Variants in CSGALNACT1 observed in about 807,000 individuals in gnomAD.
CSGALNACT1 encodes the protein beta4GalNAcT-1.
Under a neutral mutation model 51.0 loss-of-function variants are expected in CSGALNACT1, and 52 were observed. That is an observed-to-expected ratio of 1.02 (90% CI 0.82 to 1.29). The LOEUF (loss-of-function observed/expected upper bound fraction) is 1.29. Ranked by LOEUF, CSGALNACT1 falls within the 50% of genes most tolerant of loss-of-function variation. The probability of loss-of-function intolerance (pLI) is 0.00; values close to 1 mark genes in which losing one functional copy is unlikely to be tolerated. For synonymous variants in CSGALNACT1, 341 were observed against 254.4 expected, an observed-to-expected ratio of 1.34 and a Z score of -3.24; for missense variants, 935 against 679.2, an observed-to-expected ratio of 1.38 and a Z score of -4.19.
chr8:19,606,758 A>G (rs1440344964), upstream of CSGALNACT1, among the ~76,000 whole-genome samples: 5 of 152,212 alleles, frequency 3.3e-5, no homozygotes, highest in African/African-American at 7.2e-5. Flanking sequence ...ATAATCTCAG[A>G]TAACAAAATT....
intron 1 of CSGALNACT1, among the ~76,000 whole-genome samples, chr8:19,749,813 T>C (rs1292316388): frequency 1.3e-5 from 2 of 152,186 alleles, no homozygotes; most frequent in Non-Finnish European, 2.9e-5. Flanking sequence ...CAGTAGTTAT[T>C]GCCAGACAAC....
At chr8:19,408,566 T>A in intron 9 of CSGALNACT1, 47 bp downstream of exon 8, 1 of 1,414,536 alleles carries the variant, frequency 7.1e-7, no homozygotes, top group South Asian at 1.1e-5. Context: ...AAGGCCTACA[T>A]GGGCCCGTGG....
chr8:19,485,046 C>G (rs11204046), intron 4 of CSGALNACT1, among the ~76,000 whole-genome samples: 119,154 of 152,134 alleles, frequency 0.78, 47,057 homozygotes, highest in East Asian at 0.86. Context: ...ATAAACTTCT[C>G]TTGTCTCAGG....
chr8:19,579,431 A>G (rs1389606793), intron 3 of CSGALNACT1, among the ~76,000 whole-genome samples: 2 of 152,264 alleles, frequency 1.3e-5, no homozygotes, highest in Non-Finnish European at 2.9e-5. Context: ...AAAGGGGCAC[A>G]TTCTCTAAAA....
chr8:19,571,714 G>GA (rs1358689880), intron 3 of CSGALNACT1, among the ~76,000 whole-genome samples: 1 of 152,204 alleles, frequency 6.6e-6, no homozygotes, highest in East Asian at 1.9e-4. Flanking sequence ...AAAGCCCACT[G>GA]AAAAATGGCC....
chr8:19,636,802 T>C (rs2056126034), intron 1 of CSGALNACT1, among the ~76,000 whole-genome samples: 2 of 152,192 alleles, frequency 1.3e-5, no homozygotes, highest in Admixed American at 1.3e-4. Context: ...TAATACCATT[T>C]CAATGTGGAT....
chr8:19,520,441 C>A (rs1201489532), intron 3 of CSGALNACT1, among the ~76,000 whole-genome samples: 3 of 152,346 alleles, frequency 2.0e-5, no homozygotes, highest in East Asian at 3.9e-4. Flanking sequence ...GCCTATGAGT[C>A]CCTCTCCTGG....
chr8:19,434,455 T>A (rs1014901857), intron 6 of CSGALNACT1, among the ~76,000 whole-genome samples: 2 of 152,182 alleles, frequency 1.3e-5, no homozygotes, highest in African/African-American at 4.8e-5. Context: ...TCAGACATCA[T>A]GACAACTTCA....
exon 10 of CSGALNACT1, chr8:19,405,227 C>G (rs1455611650): frequency 4.4e-6 from 2 of 451,860 alleles, no homozygotes; most frequent in Non-Finnish European, 8.8e-6. Context: ...TTTGGTTAAT[C>G]TTGGGGAAAA....
intron 2 of CSGALNACT1, among the ~76,000 whole-genome samples, chr8:19,596,684 A>AAATGATTT (rs1383151732): frequency 6.6e-6 from 1 of 152,232 alleles, no homozygotes; most frequent in Admixed American, 6.5e-5. Flanking sequence ...ATTTTGGAAT[A>AAATGATTT]AAAAGTGATT....
chr8:19,423,551 G>C (rs1407988384), intron 6 of CSGALNACT1, among the ~76,000 whole-genome samples: 2 of 152,202 alleles, frequency 1.3e-5, no homozygotes, highest in Non-Finnish European at 2.9e-5. Flanking sequence ...TGCAACAGAG[G>C]ATTGGGTACA....
chr8:19,554,532 C>T (rs1357022910), intron 3 of CSGALNACT1, among the ~76,000 whole-genome samples: 1 of 45,066 alleles, frequency 2.2e-5, no homozygotes, highest in African/African-American at 2.1e-4. Flanking sequence ...TGCGATGCAA[C>T]CATATTGAGC....
At chr8:19,514,972 G>T (rs538555902) in intron 3 of CSGALNACT1, among the ~76,000 whole-genome samples, 14 of 152,284 alleles carry the variant, frequency 9.2e-5, no homozygotes, top group African/African-American at 3.4e-4. Context: ...GGAGCCCACA[G>T]ATACCTAGCT....
intron 9 of CSGALNACT1, 67 bp from the exon 9 acceptor site, chr8:19,406,136 A>T: frequency 6.3e-7 from 1 of 1,581,098 alleles, no homozygotes; most frequent in Non-Finnish European, 8.7e-7. Context: ...GAGTTGCAAC[A>T]AGCACAAACT....
chr8:19,480,524 G>C (rs553559854), intron 4 of CSGALNACT1, among the ~76,000 whole-genome samples: 1 of 152,256 alleles, frequency 6.6e-6, no homozygotes, highest in East Asian at 1.9e-4. Flanking sequence ...CTGTTGATGG[G>C]CATTTAGGTT....
chr8:19,463,116 C>G (rs1334697869), intron 4 of CSGALNACT1, among the ~76,000 whole-genome samples: 1 of 151,616 alleles, frequency 6.6e-6, no homozygotes, highest in African/African-American at 2.4e-5. Flanking sequence ...ATAACGGCCT[C>G]CAGCTGCATT....
At chr8:19,471,240 G>C (rs1314420448) in intron 4 of CSGALNACT1, among the ~76,000 whole-genome samples, 1 of 152,214 alleles carries the variant, frequency 6.6e-6, no homozygotes, top group African/African-American at 2.4e-5. Context: ...CACTGCGCTT[G>C]CTCAATGCCA....
rs115118119 is a variant in CSGALNACT1 at position 19,662,701 on chromosome 8, A to G, written c.-544+19772T>C. ...GGGTGTGTGTGGTAAACAAATCTGA[A>G]AGACATATTTGTCCTGTTTCCATCT... On this transcript the variant is annotated intron_variant, in intron 1 of 9. Transcript: ENST00000332246. Among the ~76,000 whole-genome samples, 556 of 152,270 alleles carry G rather than the reference A, an allele frequency of 3.7e-3. 6 individuals carry two copies. The highest frequency in any genetic ancestry group is 0.024 in the Middle Eastern group (7 of 294).
intron 4 of CSGALNACT1, among the ~76,000 whole-genome samples, chr8:19,500,614 T>G (rs992864355): frequency 6.6e-6 from 1 of 152,206 alleles, no homozygotes; most frequent in African/African-American, 2.4e-5. Context: ...CCTTACAGGC[T>G]ACTTAGTGAT....
Sources: allele counts gnomAD v4.1 joint callset (sites outside exome capture counted in the v4.1 genomes callset), GRCh38; gene constraint gnomAD v4.1.1; transcripts MANE v1.5; gene names NCBI Gene and HGNC (gene_info 2026-07-23, HGNC 2026-07-21).